The following MTO1 variants were observed in gnomAD, a reference collection of about 807,000 sequenced individuals.
MTO1 encodes the protein 5-taurinomethyluridine-[tRNA] synthase subunit MTO1, mitochondrial.
A neutral mutation model predicts 71.6 loss-of-function variants in MTO1; 46 were observed. The observed-to-expected ratio is 0.64, with a 90% confidence interval of 0.51 to 0.82. MTO1 has a LOEUF of 0.82. MTO1 is among the 40% of genes least tolerant of loss of function. MTO1 has a pLI of 0.00. For synonymous variants in MTO1, 297 were observed against 312.1 expected (o/e 0.95, Z 0.51); for missense variants, 773 against 867.5 (o/e 0.89, Z 1.37).
chr6:73,470,496 G>A (rs1001284106), intron 3 of MTO1, among the ~76,000 whole-genome samples: 1 of 151,908 alleles, frequency 6.6e-6, no homozygotes, highest in Non-Finnish European at 1.5e-5. Flanking sequence ...ATGAGCCACC[G>A]CGCGTGGCCC....
intron 10 of MTO1, among the ~76,000 whole-genome samples, chr6:73,494,802 T>A (rs917606284): frequency 1.0e-4 from 15 of 143,928 alleles, no homozygotes; most frequent in Admixed American, 2.1e-4. Context: ...GACAGAGTCT[T>A]ACTCTGTCAC....
intron 10 of MTO1, chr6:73,492,643 C>T: frequency 4.2e-6 from 1 of 238,910 alleles, no homozygotes; most frequent in Non-Finnish European, 8.4e-6. Flanking sequence ...AACCCTGTCT[C>T]TACAAAAAAA....
rs1320758856 is a variant in MTO1 at position 73,492,370 on chromosome 6, A to G, written c.1756+18A>G. 2.7e-6 allele frequency: 4 copies of G among 1,493,318 alleles called. No individual in the cohort carries two copies. Among genetic ancestry groups the G allele is most frequent in the Non-Finnish European group, 3.7e-6 (4 of 1,070,604 alleles). 92.5% of individuals were successfully genotyped at this position (1,493,318 alleles called of 1,614,324 possible). On this transcript the variant is annotated intron_variant, in intron 10 of 11. Coordinates refer to ENST00000498286, the MANE Select transcript of MTO1 (RefSeq NM_012123.4). ...AATAGAAGGTAGAAAATAATTTTTG[A>G]CTTAACATACCTTTATCATATGTGC...
rs150538001 is a variant in MTO1, at chr6:73,473,401, T to G, written c.572T>G (p.Leu191Arg). ...GSTVYAESVI[L>R]TTGTFLRGMI... ...ACAGTATATGCAGAGAGTGTGATTC[T>G]GACTACTGGGACATTTCTGAGAGGC... The change falls in exon 4 of 12, where the codon CTG becomes CGG. Residue 191 changes from leucine (L) to arginine (R), a missense_variant. By Grantham distance (102) the Leu-to-Arg change is moderately radical. Coordinates refer to ENST00000498286, the MANE Select transcript of MTO1 (RefSeq NM_012123.4). The G allele has an allele frequency of 1.2e-6, 2 of 1,614,164 alleles. No homozygotes were observed. The highest frequency in any genetic ancestry group is 3.3e-5 in the Admixed American group (2 of 60,004).
intron 10 of MTO1, among the ~76,000 whole-genome samples, chr6:73,494,661 G>A (rs1223215803): frequency 6.6e-6 from 1 of 151,406 alleles, no homozygotes; most frequent in Non-Finnish European, 1.5e-5. Flanking sequence ...ATTTTTAGTA[G>A]AGACGGGGTT....
At chr6:73,492,576 G>C in intron 10 of MTO1, 1 of 376,884 alleles carries the variant, frequency 2.7e-6, no homozygotes, top group Non-Finnish European at 5.0e-6. Flanking sequence ...TTGGGAGGCT[G>C]AGGTGGGCTG....
chr6:73,461,795 G>C lies in MTO1; in HGVS notation c.-60G>C, dbSNP rs576264480. On this transcript the variant is annotated 5_prime_UTR_variant, in exon 1 of 12. Transcript: ENST00000498286. ...CGCCCTGCAGATTGTCTCTTGTTGC[G>C]TAAGTTTTTTTGACCGTCACTCGTG... 3 of 1,554,510 alleles carry C rather than the reference G, an allele frequency of 1.9e-6. No individual in the cohort carries two copies. In the East Asian group the frequency reaches 6.8e-5, roughly 35 times the overall value.
intron 10 of MTO1, among the ~76,000 whole-genome samples, chr6:73,493,349 C>CGTGTGTGT (rs1582697921): frequency 1.8e-4 from 9 of 49,524 alleles, no homozygotes; most frequent in African/African-American, 5.6e-4. Context: ...TTGAAATGTG[C>CGTGTGTGT]ATGTATGTGT....
Position 73,497,907 on chromosome 6 carries a change from A to G in MTO1, c.1917+11A>G, listed in dbSNP as rs2150045068. On this transcript the variant is annotated intron_variant, in intron 11 of 11. Transcript: ENST00000498286. The stretch of plus-strand genomic sequence containing the variant: ...AGTCGTCCACAGACGGTAAGAAAAT[A>G]GGCAGGAGAATAGAAACAAGTTATA... 4 of 1,599,244 alleles carry G rather than the reference A, an allele frequency of 2.5e-6. No homozygotes were observed. The highest frequency in any genetic ancestry group is 3.4e-6 in the Non-Finnish European group (4 of 1,169,690).
intron 4 of MTO1, among the ~76,000 whole-genome samples, chr6:73,478,957 C>A (rs1431240052): frequency 6.9e-6 from 1 of 144,208 alleles, no homozygotes; most frequent in African/African-American, 2.6e-5. Context: ...GGTGCAATCT[C>A]GGCTCACTGC....
chr6:73,500,395 CATAA>C (rs544159017), intron 11 of MTO1, among the ~76,000 whole-genome samples, 175 bp from the exon 12 acceptor site: 8 of 151,946 alleles, frequency 5.3e-5, no homozygotes, highest in South Asian at 2.1e-4. Flanking sequence ...AAAATGAAGA[CATAA>C]ATAATAATAT....
At position 73,462,030 on chromosome 6, in the gene MTO1, G is replaced by C. The variant is rs201279883; in HGVS notation, c.176G>C (p.Gly59Ala). The C allele has an allele frequency of 7.1e-4, 1,154 of 1,614,048 alleles. 2 individuals carry two copies. Among genetic ancestry groups the C allele is most frequent in the Non-Finnish European group, 4.8e-4 (564 of 1,179,994 alleles). The change falls in exon 1 of 12, where the codon GGC becomes GCC. Residue 59 changes from glycine (G) to alanine (A), a missense_variant. Physicochemically the swap from Gly to Ala is moderately conservative, Grantham distance 60. Transcript: ENST00000498286. ...GCAGCCACCGCCGCCGCTCGGTGCG[G>C]CTCTCGGACTCTGCTCCTCACTCAC... ...TEAATAAARC[G>A]SRTLLLTHRV...
At chr6:73,469,760 CT>C (rs1771096221) in intron 3 of MTO1, among the ~76,000 whole-genome samples, 1 of 152,206 alleles carries the variant, frequency 6.6e-6, no homozygotes, top group South Asian at 2.1e-4. Flanking sequence ...AATCCCAGCA[CT>C]TTAGGAGGCC....
chr6:73,493,354 ATGTGTGTG>A (rs144509962), intron 10 of MTO1, among the ~76,000 whole-genome samples: 23 of 139,456 alleles, frequency 1.6e-4, no homozygotes, highest in Non-Finnish European at 2.5e-4. Flanking sequence ...ATGTGCATGT[ATGTGTGTG>A]TGTGTGTGTG....
chr6:73,469,537 G>A (rs1439135729), intron 3 of MTO1, among the ~76,000 whole-genome samples: 1 of 152,010 alleles, frequency 6.6e-6, no homozygotes, highest in Non-Finnish European at 1.5e-5. Flanking sequence ...CAAGAGAATC[G>A]CTTGAACCCA....
intron 7 of MTO1, 85 bp from the exon 8 acceptor site, chr6:73,481,955 G>C: frequency 2.1e-6 from 3 of 1,426,272 alleles, no homozygotes; most frequent in Non-Finnish European, 3.0e-6. Context: ...CCTGTCCCAT[G>C]CCATTGTTTC....
intron 9 of MTO1, among the ~76,000 whole-genome samples, chr6:73,491,004 T>TGA (rs1325674917): frequency 2.0e-5 from 3 of 152,138 alleles, no homozygotes; most frequent in Admixed American, 1.3e-4. Context: ...CAAGTGCCAA[T>TGA]GAATTAAGTT....
At chr6:73,496,839 G>A (rs1771992803) in intron 10 of MTO1, among the ~76,000 whole-genome samples, 1 of 151,912 alleles carries the variant, frequency 6.6e-6, no homozygotes, top group Non-Finnish European at 1.5e-5. Flanking sequence ...CAGATCATGA[G>A]GTCAGGAGTT....
chr6:73,497,882 A>G lies in MTO1; in HGVS notation c.1903A>G (p.Ser635Gly). ...SHEVREKLHF[S>G]RPQTIGAASR... ...TGAAGTTCGAGAGAAACTACATTTTAGTCGTCCACAGACGGTAAGAAAATA... is the reference window on the plus strand; with the variant it reads ...TGAAGTTCGAGAGAAACTACATTTTGGTCGTCCACAGACGGTAAGAAAATA... Residue 635 changes from serine to glycine, a missense_variant, in exon 11 of 12, where the codon AGT (serine) becomes GGT (glycine). Ser to Gly is a moderately conservative substitution (Grantham distance 56). Transcript: ENST00000498286. 6.2e-7 allele frequency: 1 copy of G among 1,611,990 alleles called. No homozygotes were observed. Among genetic ancestry groups the G allele is most frequent in the African/African-American group, 1.3e-5 (1 of 75,046 alleles).
Sources: allele counts gnomAD v4.1 joint callset (sites outside exome capture counted in the v4.1 genomes callset), GRCh38; gene constraint gnomAD v4.1.1; transcripts MANE v1.5; gene names NCBI Gene and HGNC (gene_info 2026-07-23, HGNC 2026-07-21).